TRAPPC9: variants seen among roughly 807,000 people sequenced by gnomAD.
The protein encoded by TRAPPC9 is trafficking protein particle complex subunit 9.
In TRAPPC9, 83 loss-of-function variants were observed where a neutral mutation model predicts 124.0. That is an observed-to-expected ratio of 0.67 (90% CI 0.56 to 0.80). TRAPPC9 has a LOEUF of 0.80. Ranked by LOEUF, TRAPPC9 falls within the 30% of genes least tolerant of loss-of-function variation. The pLI is 0.00. For synonymous variants in TRAPPC9, 638 were observed against 617.5 expected (o/e 1.03, Z -0.49); for missense variants, 1,302 against 1,508.3 (o/e 0.86, Z 2.27).
intron 5 of TRAPPC9, among the ~76,000 whole-genome samples, chr8:140,421,634 G>A (rs2070213578): frequency 6.6e-6 from 1 of 152,094 alleles, no homozygotes; most frequent in Admixed American, 6.6e-5. Context: ...TGGACAATGA[G>A]GCACTATGCC....
chr8:140,012,806 C>A (rs527407478), intron 18 of TRAPPC9, among the ~76,000 whole-genome samples: 1 of 152,194 alleles, frequency 6.6e-6, no homozygotes, highest in Non-Finnish European at 1.5e-5. Context: ...CAAGGACAGG[C>A]GCTGAAGTCT....
chr8:140,351,239 C>A (rs1056361625), intron 9 of TRAPPC9, among the ~76,000 whole-genome samples: 1 of 133,622 alleles, frequency 7.5e-6, no homozygotes, highest in Non-Finnish European at 1.6e-5. Flanking sequence ...CAGCCCCCCA[C>A]GCTGCCTGCC....
chr8:140,268,783 A>G (rs56316131), intron 15 of TRAPPC9, among the ~76,000 whole-genome samples: 37,436 of 152,138 alleles, frequency 0.25, 5,060 homozygotes, highest in African/African-American at 0.35. Context: ...AGACAGACGA[A>G]GTGTAGGCAA....
At chr8:139,800,312 C>T (rs530139433) in intron 21 of TRAPPC9, among the ~76,000 whole-genome samples, 1 of 152,244 alleles carries the variant, frequency 6.6e-6, no homozygotes, top group Non-Finnish European at 1.5e-5. Context: ...ACTCAGCCAA[C>T]AGGGCCAGGG....
In TRAPPC9 at chr8:140,257,525, C is replaced by T. The variant is rs1588026689; in HGVS notation, c.2279-4596G>A. On this transcript the variant is annotated intron_variant, in intron 15 of 22. Coordinates refer to ENST00000438773, the MANE Select transcript of TRAPPC9 (RefSeq NM_001160372.4). This position sits in a 1 kb window ranked among gnomAD's most constrained non-coding sequence, Gnocchi z 4.6. ...GAAAAAGGACCCCGTGCCATGCGAGCGCACAGGGGAGGGAGGAAAGAAGCA... is the reference window on the plus strand; with the variant it reads ...GAAAAAGGACCCCGTGCCATGCGAGTGCACAGGGGAGGGAGGAAAGAAGCA... 6.6e-6 allele frequency among the ~76,000 whole-genome samples: 1 copy of T among 152,216 alleles called. No individual in the cohort carries two copies. The highest frequency in any genetic ancestry group is 2.4e-5 in the African/African-American group (1 of 41,460).
chr8:139,905,168 T>C (rs1184053358), intron 20 of TRAPPC9, among the ~76,000 whole-genome samples: 1 of 151,952 alleles, frequency 6.6e-6, no homozygotes, highest in African/African-American at 2.4e-5. Context: ...TAGGAAGAGA[T>C]GCCCCCGCCC....
intron 7 of TRAPPC9, among the ~76,000 whole-genome samples, chr8:140,382,889 C>T (rs528245329): frequency 1.3e-5 from 2 of 152,076 alleles, no homozygotes; most frequent in East Asian, 3.9e-4. Flanking sequence ...CCCCAAGTAG[C>T]CTAACTTGGG....
At chr8:140,259,024 C>T (rs941361910) in intron 15 of TRAPPC9, among the ~76,000 whole-genome samples, 3 of 152,216 alleles carry the variant, frequency 2.0e-5, no homozygotes, top group African/African-American at 4.8e-5. Context: ...CAGCTCAGCC[C>T]ACCCCGCGGA....
chr8:140,240,577 T>C (rs2063836070), intron 16 of TRAPPC9, among the ~76,000 whole-genome samples: 1 of 152,210 alleles, frequency 6.6e-6, no homozygotes, highest in Non-Finnish European at 1.5e-5. Flanking sequence ...CCAACTTACC[T>C]TCTTTTATTT....
intron 20 of TRAPPC9, among the ~76,000 whole-genome samples, chr8:139,903,768 T>G (rs1460755708): frequency 6.6e-6 from 1 of 152,160 alleles, no homozygotes; most frequent in Non-Finnish European, 1.5e-5. Flanking sequence ...AGGCTGGGCA[T>G]GGTGGCTCAC....
At chr8:139,956,548 C>T (rs1835001605) in intron 19 of TRAPPC9, among the ~76,000 whole-genome samples, 1 of 152,224 alleles carries the variant, frequency 6.6e-6, no homozygotes. Context: ...ACCTATTTCT[C>T]CACCCTCCAC....
In TRAPPC9 at chr8:140,259,200, A is replaced by G. The variant is rs115461354; in HGVS notation, c.2279-6271T>C. On this transcript the variant is annotated intron_variant, in intron 15 of 22. Transcript: ENST00000438773. ...GCACACACCACTCCCTCTGCCAGGA[A>G]TGCCCCGCTCACTTTCCCAAATACA... 8.2e-3 allele frequency among the ~76,000 whole-genome samples: 1,252 copies of G among 152,310 alleles called. 17 individuals carry two copies. Among genetic ancestry groups the G allele is most frequent in the African/African-American group, 0.029 (1,201 of 41,564 alleles).
intron 17 of TRAPPC9, among the ~76,000 whole-genome samples, chr8:140,084,752 T>C (rs975184364): frequency 6.6e-6 from 1 of 152,238 alleles, no homozygotes; most frequent in Non-Finnish European, 1.5e-5. Flanking sequence ...CAGAAAGCCC[T>C]GGCTCTGGGG....
At chr8:139,809,328 T>C (rs2130734687) in intron 21 of TRAPPC9, among the ~76,000 whole-genome samples, 1 of 152,100 alleles carries the variant, frequency 6.6e-6, no homozygotes, top group Admixed American at 6.5e-5. Flanking sequence ...GGAATGGGAG[T>C]GAAGCGTCCT....
chr8:140,335,918 G>A (rs777095668), intron 9 of TRAPPC9, among the ~76,000 whole-genome samples: 6 of 151,964 alleles, frequency 3.9e-5, no homozygotes, highest in Non-Finnish European at 5.9e-5. Flanking sequence ...ATGTTGACCA[G>A]GCTGGTCTCA....
intron 21 of TRAPPC9, among the ~76,000 whole-genome samples, chr8:139,856,987 T>C (rs1338184754): frequency 6.6e-6 from 1 of 151,942 alleles, no homozygotes; most frequent in East Asian, 1.9e-4. Flanking sequence ...CACTGAGGTC[T>C]GAGAGAGGAA....
At chr8:139,820,870 TG>T (rs1309460931) in intron 21 of TRAPPC9, among the ~76,000 whole-genome samples, 2 of 152,248 alleles carry the variant, frequency 1.3e-5, no homozygotes, top group African/African-American at 4.8e-5. Context: ...TTATTGTATA[TG>T]CACAAATGAA....
At chr8:140,373,712 G>T (rs1015050392) in intron 7 of TRAPPC9, among the ~76,000 whole-genome samples, 3 of 152,080 alleles carry the variant, frequency 2.0e-5, no homozygotes, top group Non-Finnish European at 4.4e-5. Context: ...AGCATATGAG[G>T]ATATCAGTCT....
intron 17 of TRAPPC9, among the ~76,000 whole-genome samples, chr8:140,067,568 T>A (rs1488130313): frequency 6.6e-6 from 1 of 152,194 alleles, no homozygotes; most frequent in Non-Finnish European, 1.5e-5. Flanking sequence ...TGGTCCCTGG[T>A]TGCATCTAAG....
Sources: allele counts gnomAD v4.1 joint callset (sites outside exome capture counted in the v4.1 genomes callset), GRCh38; gene constraint gnomAD v4.1.1; non-coding constraint Gnocchi (gnomAD v3.1); transcripts MANE v1.5; gene names NCBI Gene and HGNC (gene_info 2026-07-23, HGNC 2026-07-21).